MACROD2: variants seen among roughly 807,000 people sequenced by gnomAD.
MACROD2 encodes the protein ADP-ribose glycohydrolase MACROD2.
MACROD2 carries 36 observed loss-of-function variants against 70.4 expected under a neutral mutation model. The ratio of observed to expected loss-of-function variants is 0.51; its 90% CI spans 0.39 to 0.68. MACROD2 has a LOEUF of 0.68. Ranked by LOEUF, MACROD2 falls within the 30% of genes least tolerant of loss-of-function variation. The pLI is 0.00. For synonymous variants in MACROD2, 172 were observed against 178.8 expected (o/e 0.96, Z 0.30); for missense variants, 496 against 538.4 (o/e 0.92, Z 0.78).
intron 3 of MACROD2, among the ~76,000 whole-genome samples, chr20:14,204,670 C>T (rs1481329913): frequency 1.3e-5 from 2 of 152,208 alleles, no homozygotes; most frequent in South Asian, 2.1e-4. Context: ...CTGAACTGAT[C>T]CCGGCCAGGC....
At chr20:14,571,170 A>G (rs1980167309) in intron 4 of MACROD2, among the ~76,000 whole-genome samples, 2 of 152,092 alleles carry the variant, frequency 1.3e-5, no homozygotes, top group South Asian at 2.1e-4. Context: ...AGGCCTGGAG[A>G]AAAAGAATGT....
At chr20:14,238,854 T>A (rs2081902380) in intron 3 of MACROD2, among the ~76,000 whole-genome samples, 2 of 151,618 alleles carry the variant, frequency 1.3e-5, no homozygotes, top group South Asian at 2.1e-4. Context: ...TGGTAAAACC[T>A]CGTCTCTAAT....
chr20:15,899,334 ATATC>A (rs2065029409), intron 10 of MACROD2, among the ~76,000 whole-genome samples: 1 of 152,188 alleles, frequency 6.6e-6, no homozygotes, highest in South Asian at 2.1e-4. Context: ...ATATACATGT[ATATC>A]TATACACATA....
intron 5 of MACROD2, among the ~76,000 whole-genome samples, chr20:14,768,512 T>C (rs1020456713): frequency 1.3e-5 from 2 of 152,038 alleles, no homozygotes; most frequent in African/African-American, 4.8e-5. Flanking sequence ...TTTTATGGGA[T>C]CTCTTTATGG....
chr20:14,691,187 G>C (rs2071059641), intron 5 of MACROD2, among the ~76,000 whole-genome samples: 1 of 152,188 alleles, frequency 6.6e-6, no homozygotes, highest in African/African-American at 2.4e-5. Context: ...CAAAGTGTGG[G>C]ATTACAGGTG....
chr20:15,622,637 G>T (rs2049144603), intron 8 of MACROD2, among the ~76,000 whole-genome samples: 1 of 152,138 alleles, frequency 6.6e-6, no homozygotes, highest in African/African-American at 2.4e-5. Flanking sequence ...GCAATTTAAA[G>T]CTTATGACAT....
intron 3 of MACROD2, among the ~76,000 whole-genome samples, chr20:14,483,066 A>G (rs150982584): frequency 2.6e-4 from 40 of 152,316 alleles, no homozygotes; most frequent in African/African-American, 9.6e-4. Context: ...AAAATGATAA[A>G]TGTAAGCTAT....
chr20:14,779,033 C>G (rs1221597091), intron 5 of MACROD2, among the ~76,000 whole-genome samples: 2 of 152,172 alleles, frequency 1.3e-5, no homozygotes, highest in East Asian at 3.9e-4. Flanking sequence ...ATGAAGCTAG[C>G]TGGTTTAACA....
Position 14,694,936 on chromosome 20 carries a change from C to T in MACROD2, c.418+9977C>T, listed in dbSNP as rs374362756. Among the ~76,000 whole-genome samples the T allele has an allele frequency of 3.0e-4, 45 of 152,308 alleles. 1 individual carries two copies. The East Asian group carries it at 4.6e-3, about 16-fold the overall frequency. On this transcript the variant is annotated intron_variant, in intron 5 of 17. Coordinates refer to ENST00000684519, the MANE Select transcript of MACROD2 (RefSeq NM_001351661.2). ...TGGAGAGCTAGAGCTTAATTCCCCT[C>T]TACTTAAACATGGCCTGGACCTAAT... is the stretch of plus-strand genomic sequence containing the variant.
chr20:14,687,036 G>A (rs532742067), intron 5 of MACROD2, among the ~76,000 whole-genome samples: 1 of 152,176 alleles, frequency 6.6e-6, no homozygotes, highest in South Asian at 2.1e-4. Context: ...ATCATATAGT[G>A]CTATTTTTAC....
chr20:14,608,470 T>G (rs1982953540), intron 4 of MACROD2, among the ~76,000 whole-genome samples: 1 of 152,130 alleles, frequency 6.6e-6, no homozygotes, highest in African/African-American at 2.4e-5. Flanking sequence ...GTGTAAAAAC[T>G]CAGGCCTAAG....
chr20:14,210,033 A>G (rs924982629), intron 3 of MACROD2, among the ~76,000 whole-genome samples: 4 of 152,220 alleles, frequency 2.6e-5, no homozygotes, highest in African/African-American at 4.8e-5. Context: ...TGTAAATTCC[A>G]TGACTTAAAA....
intron 6 of MACROD2, among the ~76,000 whole-genome samples, chr20:15,301,591 CTTTTTTTTTTT>C (rs71340214): frequency 1.4e-4 from 11 of 81,250 alleles, no homozygotes; most frequent in South Asian, 5.0e-4. Flanking sequence ...GGTAGGTGGC[CTTTTTTTTTTT>C]TTTTTTTTTT....
rs2045941956 is a variant in MACROD2, at chr20:15,402,376, G to A, written c.541-29029G>A. Among the ~76,000 whole-genome samples, 3 of 152,096 alleles carry A rather than the reference G, an allele frequency of 2.0e-5. No individual in the cohort carries two copies. The South Asian group carries it at 6.2e-4, about 31-fold the overall frequency. On this transcript the variant is annotated intron_variant, in intron 6 of 17. Coordinates refer to ENST00000684519, the MANE Select transcript of MACROD2 (RefSeq NM_001351661.2). ...GGCAAGAATTAGAACTATAATAAATGCAATTAAATTGCCTATTACTTGCAT... is the reference window on the plus strand; with the variant it reads ...GGCAAGAATTAGAACTATAATAAATACAATTAAATTGCCTATTACTTGCAT...
In MACROD2 at chr20:15,435,228, A is replaced by G. The variant is rs147377920; in HGVS notation, c.571+3793A>G. 7.0e-3 allele frequency among the ~76,000 whole-genome samples: 1,065 copies of G among 152,288 alleles called. 9 individuals carry two copies. The highest frequency in any genetic ancestry group is 0.024 in the African/African-American group (1,006 of 41,560). On this transcript the variant is annotated intron_variant, in intron 7 of 17. Transcript: ENST00000684519. ...GCATTTTACTTAATCACTATAATAC[A>G]AAAAAGCAGAAGAAAACACATTTTC...
intron 8 of MACROD2, among the ~76,000 whole-genome samples, chr20:15,847,553 C>T (rs1429300808): frequency 6.6e-6 from 1 of 152,154 alleles, no homozygotes; most frequent in Non-Finnish European, 1.5e-5. Flanking sequence ...CGAGAAACAG[C>T]CACTGCAGCA....
intron 5 of MACROD2, among the ~76,000 whole-genome samples, chr20:15,033,891 A>G (rs1266367447): frequency 6.6e-6 from 1 of 152,238 alleles, no homozygotes; most frequent in African/African-American, 2.4e-5. Flanking sequence ...ATTGCAGTTA[A>G]AAGGTGGGTA....
chr20:14,776,039 C>A (rs571566309), intron 5 of MACROD2, among the ~76,000 whole-genome samples: 1 of 151,960 alleles, frequency 6.6e-6, no homozygotes, highest in African/African-American at 2.4e-5. Flanking sequence ...TAGAACTGAA[C>A]CAAATGTGCG....
chr20:15,101,030 GA>G (rs1568573620), intron 5 of MACROD2, among the ~76,000 whole-genome samples: 1 of 152,036 alleles, frequency 6.6e-6, no homozygotes, highest in African/African-American at 2.4e-5. Flanking sequence ...TTTAAAATGT[GA>G]GAATTTGATG....
Sources: gnomAD v4.1 joint callset for allele counts (sites outside exome capture counted in the v4.1 genomes callset) on GRCh38, gnomAD v4.1.1 for gene constraint, MANE v1.5 for transcripts, NCBI Gene and HGNC (gene_info 2026-07-23, HGNC 2026-07-21) for gene names.